Variants in PAN3 observed in about 807,000 individuals in gnomAD.
PAN3 encodes PAN2-PAN3 deadenylation complex subunit PAN3.
In PAN3, 19 loss-of-function variants were observed where a neutral mutation model predicts 96.2. That is an observed-to-expected ratio of 0.20 (90% confidence interval 0.14 to 0.29). The LOEUF (loss-of-function observed/expected upper bound fraction) is 0.29, where lower values mean the gene tolerates loss of function less well. Ranked by LOEUF, PAN3 falls within the 10% of genes least tolerant of loss-of-function variation. The pLI is 1.00. For missense variants in PAN3, 882 were observed against 1,108.1 expected (o/e 0.80, Z 2.90); for synonymous variants, 433 against 406.6 (o/e 1.06, Z -0.78).
intron 4 of PAN3, among the ~76,000 whole-genome samples, chr13:28,193,183 T>C (rs1877504142): frequency 6.6e-6 from 1 of 152,208 alleles, no homozygotes; most frequent in Non-Finnish European, 1.5e-5. Context: ...AGAAGCTTGC[T>C]TTAGGATATT....
At chr13:28,278,728 A>T (rs1037677738) in intron 15 of PAN3, among the ~76,000 whole-genome samples, 1 of 152,134 alleles carries the variant, frequency 6.6e-6, no homozygotes, top group Non-Finnish European at 1.5e-5. Flanking sequence ...TACCATTATT[A>T]GTCCCATTTT....
At chr13:28,142,538 G>A (rs1870003998) in intron 1 of PAN3, among the ~76,000 whole-genome samples, 1 of 121,338 alleles carries the variant, frequency 8.2e-6, no homozygotes, top group Non-Finnish European at 1.6e-5. Context: ...TTTGAGACAG[G>A]GACCACAGGC....
intron 5 of PAN3, chr13:28,215,490 T>C: frequency 1.5e-6 from 1 of 682,996 alleles, no homozygotes; most frequent in Non-Finnish European, 2.7e-6. Context: ...GTGTTGCTGT[T>C]GACAGCAAAA....
At chr13:28,220,769 T>G (rs1387720214) in intron 6 of PAN3, among the ~76,000 whole-genome samples, 1 of 152,190 alleles carries the variant, frequency 6.6e-6, no homozygotes, top group Non-Finnish European at 1.5e-5. Context: ...TACATTAAAT[T>G]TCTAAAAAAT....
intron 6 of PAN3, among the ~76,000 whole-genome samples, chr13:28,240,818 T>C (rs1883588087): frequency 6.6e-6 from 1 of 152,238 alleles, no homozygotes; most frequent in South Asian, 2.1e-4. Context: ...TATTTTAGTG[T>C]CTACTTTCTG....
chr13:28,237,350 G>A (rs569488677), intron 6 of PAN3, among the ~76,000 whole-genome samples: 1 of 152,286 alleles, frequency 6.6e-6, no homozygotes, highest in African/African-American at 2.4e-5. Flanking sequence ...GACTGGAAAA[G>A]ATGGGTTGGA....
At chr13:28,272,283 ATTC>A in intron 14 of PAN3, 1 of 334,710 alleles carries the variant, frequency 3.0e-6, no homozygotes, top group Non-Finnish European at 5.2e-6. Flanking sequence ...TTTCCTTTCT[ATTC>A]TTTTGCTTCT....
intron 1 of PAN3, among the ~76,000 whole-genome samples, chr13:28,157,237 A>G (rs931370962): frequency 4.6e-5 from 7 of 152,148 alleles, no homozygotes; most frequent in Non-Finnish European, 1.0e-4. Flanking sequence ...CAAAATAATG[A>G]GAGCCATGTA....
chr13:28,250,425 G>T (rs1223714764), intron 6 of PAN3, among the ~76,000 whole-genome samples: 1 of 151,980 alleles, frequency 6.6e-6, no homozygotes, highest in African/African-American at 2.4e-5. Context: ...TGGAACAGTG[G>T]TGCAACCTCT....
chr13:28,257,761 T>TA lies in PAN3; in HGVS notation c.1248+1223dup, dbSNP rs1566235311. Among the ~76,000 whole-genome samples the TA allele has an allele frequency of 4.2e-3, 483 of 113,784 alleles. 6 individuals carry two copies. Among genetic ancestry groups the TA allele is most frequent in the African/African-American group, 0.014 (457 of 32,878 alleles). The allele number at this position is 113,784 out of a possible 152,430, so 74.6% of individuals were successfully genotyped here. On this transcript the variant is annotated intron_variant, in intron 7 of 18. Coordinates refer to ENST00000380958, the MANE Select transcript of PAN3 (RefSeq NM_175854.8). ...AAATTATATATAATATATAATTAAT[T>TA]ATATATTATATATAAATTATATATA...
intron 5 of PAN3, among the ~76,000 whole-genome samples, chr13:28,207,803 C>T (rs919573778): frequency 6.6e-6 from 1 of 152,136 alleles, no homozygotes; most frequent in Non-Finnish European, 1.5e-5. Context: ...TCTTTTGATA[C>T]ATGGATGTTC....
chr13:28,185,474 A>G (rs865874275), intron 4 of PAN3, among the ~76,000 whole-genome samples: 1 of 152,264 alleles, frequency 6.6e-6, no homozygotes. Context: ...CTTTATTTTA[A>G]TTGGCACTTT....
At chr13:28,272,094 A>G (rs1886663510) in intron 14 of PAN3, 23 bp downstream of exon 14, 1 of 1,434,002 alleles carries the variant, frequency 7.0e-7, no homozygotes, top group Non-Finnish European at 9.6e-7. Context: ...TAACATGGAT[A>G]TTTACTTGTT....
In PAN3 at chr13:28,293,516, A is replaced by ACAT. The variant is rs1870021619; in HGVS notation, c.*995_*996insATC. ...CACAGAGACACTGTTCAGAAGATGA[A>ACAT]CTAAACTCAGCAGTGGTCTGGTATC... On this transcript the variant is annotated 3_prime_UTR_variant, in exon 19 of 19. Transcript: ENST00000380958. The ACAT allele has an allele frequency of 6.6e-6, 1 of 151,488 alleles. No individual in the cohort carries two copies. The highest frequency in any genetic ancestry group is 2.4e-5 in the African/African-American group (1 of 40,924). The allele number at this position is 151,488 out of a possible 1,614,324, so 9.4% of individuals were successfully genotyped here. A position where few individuals can be genotyped will look rare whatever the true frequency, so the allele number is the denominator to read the frequency against.
At chr13:28,143,095 A>AT (rs1281924722) in intron 1 of PAN3, among the ~76,000 whole-genome samples, 3 of 151,378 alleles carry the variant, frequency 2.0e-5, no homozygotes, top group African/African-American at 7.4e-5. Context: ...CTGCAATTTG[A>AT]TTTTTTGTTT....
At chr13:28,170,846 G>C (rs1874215255) in intron 1 of PAN3, among the ~76,000 whole-genome samples, 1 of 152,060 alleles carries the variant, frequency 6.6e-6, no homozygotes. Flanking sequence ...GCCCAGGCTG[G>C]AGTGTAATGG....
chr13:28,255,146 C>T (rs1327887457), intron 6 of PAN3, among the ~76,000 whole-genome samples: 1 of 151,986 alleles, frequency 6.6e-6, no homozygotes, highest in Non-Finnish European at 1.5e-5. Flanking sequence ...TTTTGGTAGC[C>T]CTTTTCTTAT....
chr13:28,148,483 G>A (rs1870961031), intron 1 of PAN3, among the ~76,000 whole-genome samples: 1 of 152,048 alleles, frequency 6.6e-6, no homozygotes, highest in Admixed American at 6.6e-5. Flanking sequence ...GCCAGTGTCA[G>A]AAAAATAAGA....
intron 6 of PAN3, among the ~76,000 whole-genome samples, chr13:28,244,530 A>G (rs1883992273): frequency 6.6e-6 from 1 of 152,192 alleles, no homozygotes; most frequent in Non-Finnish European, 1.5e-5. Context: ...AATATAACAT[A>G]AAGTATAACC....
Sources: gnomAD v4.1 joint callset for allele counts (sites outside exome capture counted in the v4.1 genomes callset) on GRCh38, gnomAD v4.1.1 for gene constraint, MANE v1.5 for transcripts, NCBI Gene and HGNC (gene_info 2026-07-23, HGNC 2026-07-21) for gene names.